The following PDS5B variants were observed in gnomAD, a reference collection of about 807,000 sequenced individuals.
PDS5B encodes sister chromatid cohesion protein PDS5 homolog B.
In PDS5B, 51 loss-of-function variants were observed where a neutral mutation model predicts 184.1. That is an observed-to-expected ratio of 0.28 (90% CI 0.22 to 0.35). The LOEUF is 0.35. Ranked by LOEUF, PDS5B falls within the 10% of genes least tolerant of loss-of-function variation. The pLI, the probability that PDS5B is intolerant of heterozygous loss-of-function variation, is 1.00. For synonymous variants in PDS5B, 566 were observed against 569.2 expected (o/e 0.99, Z 0.08); for missense variants, 1,180 against 1,723.3 (o/e 0.68, Z 5.58).
chr13:32,775,567 C>T lies in PDS5B; in HGVS notation c.*515C>T. 2.3e-6 allele frequency: 1 copy of T among 432,042 alleles called. No individual in the cohort carries two copies. Among genetic ancestry groups the T allele is most frequent in the East Asian group, 7.3e-5 (1 of 13,776 alleles). The allele number at this position is 432,042 out of a possible 1,614,324, so 26.8% of individuals were successfully genotyped here. A position where few individuals can be genotyped will look rare whatever the true frequency, so the allele number is the denominator to read the frequency against. ...TTGTTGGAGAGTTAAATGGTCTCTT[C>T]CCTTTGTGTATCTTACCTAGTGTTT... On this transcript the variant is annotated 3_prime_UTR_variant, in exon 35 of 35. Transcript: ENST00000315596.
At chr13:32,678,113 A>T (rs1407568835) in intron 9 of PDS5B, among the ~76,000 whole-genome samples, 1 of 152,216 alleles carries the variant, frequency 6.6e-6, no homozygotes, top group African/African-American at 2.4e-5. Context: ...CATCAGAATG[A>T]TACAATTAGC....
rs565865388 is a variant in PDS5B, at chr13:32,632,864, GAGGCTGAGGC to G, written c.-19-15885_-19-15876del. Reference sequence around the variant, plus strand: ...CACATCTGCAATCCCAGCACTTTGGGAGGCTGAGGCAGGCGGATCTTGAGGTCAGGAGATC... The same window carrying G: ...CACATCTGCAATCCCAGCACTTTGGGAGGCGGATCTTGAGGTCAGGAGATC... On this transcript the variant is annotated intron_variant, in intron 1 of 34. Coordinates refer to ENST00000315596, the MANE Select transcript of PDS5B (RefSeq NM_015032.4). Among the ~76,000 whole-genome samples the G allele has an allele frequency of 1.8e-3, 277 of 152,014 alleles. 3 individuals carry two copies. Among genetic ancestry groups the G allele is most frequent in the Non-Finnish European group, 2.2e-3 (150 of 67,962 alleles).
chr13:32,715,301 A>T (rs1265985494), intron 19 of PDS5B, among the ~76,000 whole-genome samples: 2 of 152,250 alleles, frequency 1.3e-5, no homozygotes, highest in Non-Finnish European at 2.9e-5. Flanking sequence ...TTAAGTATAC[A>T]GGACTCAGTA....
rs1208024258 is a variant in PDS5B, at chr13:32,716,458, C to T, written c.2123+6352C>T. On this transcript the variant is annotated intron_variant, in intron 19 of 34. Coordinates refer to ENST00000315596, the MANE Select transcript of PDS5B (RefSeq NM_015032.4). Reference sequence around the variant, plus strand: ...CCATCTGAGAAGTGAGGAGCCCCTCCGCCCGGCAGCCGCCCCGTCTGAGAA... The same window carrying T: ...CCATCTGAGAAGTGAGGAGCCCCTCTGCCCGGCAGCCGCCCCGTCTGAGAA... 7.7e-4 allele frequency among the ~76,000 whole-genome samples: 116 copies of T among 150,714 alleles called. 2 individuals are homozygous for T. In the South Asian group the frequency reaches 0.018, roughly 23 times the overall value.
chr13:32,586,531 G>C lies in PDS5B; in HGVS notation c.-82G>C, dbSNP rs1052003503. 6.6e-6 allele frequency: 1 copy of C among 152,398 alleles called. No homozygotes were observed. Among genetic ancestry groups the C allele is most frequent in the Non-Finnish European group, 1.5e-5 (1 of 68,288 alleles). The allele number at this position is 152,398 out of a possible 1,614,324, so 9.4% of individuals were successfully genotyped here. A position where few individuals can be genotyped will look rare whatever the true frequency, so the allele number is the denominator to read the frequency against. Reference sequence around the variant, plus strand: ...GGGGGGGGAGAAGGCGATTGGATGCGGCGGCGGCGGCGGATCCCGGAGAGC... The same window carrying C: ...GGGGGGGGAGAAGGCGATTGGATGCCGCGGCGGCGGCGGATCCCGGAGAGC... On this transcript the variant is annotated 5_prime_UTR_variant, in exon 1 of 35. Coordinates refer to ENST00000315596, the MANE Select transcript of PDS5B (RefSeq NM_015032.4).
chr13:32,748,410 T>C (rs1953839655), intron 24 of PDS5B, among the ~76,000 whole-genome samples: 1 of 152,094 alleles, frequency 6.6e-6, no homozygotes, highest in Non-Finnish European at 1.5e-5. Flanking sequence ...CTTATTTGGT[T>C]TCTGTCTCTT....
intron 1 of PDS5B, among the ~76,000 whole-genome samples, chr13:32,648,145 G>C (rs149855292): frequency 1.4e-4 from 22 of 152,322 alleles, no homozygotes; most frequent in African/African-American, 4.6e-4. Flanking sequence ...TTCCCTCTAG[G>C]GGGTGGGGCT....
intron 19 of PDS5B, among the ~76,000 whole-genome samples, chr13:32,710,514 G>A (rs1430853103): frequency 6.6e-6 from 1 of 152,198 alleles, no homozygotes; most frequent in Non-Finnish European, 1.5e-5. Flanking sequence ...CAGGGAAGTC[G>A]AGAAGCATGG....
chr13:32,622,239 T>G (rs7998956), intron 1 of PDS5B, among the ~76,000 whole-genome samples: 57,530 of 151,944 alleles, frequency 0.38, 11,305 homozygotes, highest in Non-Finnish European at 0.44. Flanking sequence ...TTTAAGGCTA[T>G]AAATTTCCCT....
chr13:32,757,615 T>G (rs4942897), intron 26 of PDS5B, among the ~76,000 whole-genome samples: 59,060 of 152,064 alleles, frequency 0.39, 11,993 homozygotes, highest in Non-Finnish European at 0.45. Context: ...ATTGTCAATC[T>G]TGACTTTTTC....
rs771186512 is a variant in PDS5B at position 32,759,608 on chromosome 13, T to A, written c.3310-20T>A. The A allele has an allele frequency of 4.9e-6, 7 of 1,428,230 alleles. No homozygotes were observed. The highest frequency in any genetic ancestry group is 3.8e-5 in the South Asian group (3 of 79,848). 88.5% of individuals were successfully genotyped at this position (1,428,230 alleles called of 1,614,324 possible). On this transcript the variant is annotated intron_variant, in intron 28 of 34. Transcript: ENST00000315596. ...AGTGTTTTAATATTCACTGACTACT[T>A]CTTTTTCTCTTGGTTGTAGAATTTC... is the stretch of plus-strand genomic sequence containing the variant.
At chr13:32,745,947 TA>T in intron 23 of PDS5B, 29 bp from the exon 24 acceptor site, 2 of 1,549,888 alleles carry the variant, frequency 1.3e-6, no homozygotes, top group Non-Finnish European at 1.8e-6. Flanking sequence ...TTTTAAATGC[TA>T]ATCTATATTC....
intron 6 of PDS5B, among the ~76,000 whole-genome samples, chr13:32,664,768 C>A (rs531881289): frequency 1.3e-5 from 2 of 151,992 alleles, no homozygotes; most frequent in East Asian, 3.9e-4. Flanking sequence ...GTGGGAGGAT[C>A]GCTTGCAGGG....
chr13:32,775,136 G>C lies in PDS5B; in HGVS notation c.*84G>C. Reference sequence around the variant, plus strand: ...TTGGTCAAGCTTGAGGCTGAATAAAGCCTTTGATGCACAAAATGGGACTGC... The same window carrying C: ...TTGGTCAAGCTTGAGGCTGAATAAACCCTTTGATGCACAAAATGGGACTGC... On this transcript the variant is annotated 3_prime_UTR_variant, in exon 35 of 35. Transcript: ENST00000315596. 1 of 1,116,888 alleles carries C rather than the reference G, an allele frequency of 9.0e-7. No homozygotes were observed. The highest frequency in any genetic ancestry group is 1.3e-5 in the South Asian group (1 of 74,234). The allele number at this position is 1,116,888 out of a possible 1,614,324, so 69.2% of individuals were successfully genotyped here. A position where few individuals can be genotyped will look rare whatever the true frequency, so the allele number is the denominator to read the frequency against.
chr13:32,682,918 A>G (rs1479276645), intron 10 of PDS5B, among the ~76,000 whole-genome samples: 3 of 151,866 alleles, frequency 2.0e-5, no homozygotes, highest in Non-Finnish European at 4.4e-5. Flanking sequence ...GTCCTGTGAC[A>G]TTTACTTGTT....
intron 1 of PDS5B, among the ~76,000 whole-genome samples, chr13:32,593,583 C>T (rs960055636): frequency 7.9e-5 from 12 of 152,264 alleles, no homozygotes; most frequent in South Asian, 4.1e-4. Flanking sequence ...TCAGGTGATC[C>T]GCCCGCCTTG....
chr13:32,710,630 C>T (rs991809150), intron 19 of PDS5B, among the ~76,000 whole-genome samples: 1 of 152,200 alleles, frequency 6.6e-6, no homozygotes, highest in Non-Finnish European at 1.5e-5. Context: ...ATTTTATAAT[C>T]AGAAGAATAA....
At chr13:32,644,191 T>G (rs565980804) in intron 1 of PDS5B, among the ~76,000 whole-genome samples, 1 of 152,330 alleles carries the variant, frequency 6.6e-6, no homozygotes, top group South Asian at 2.1e-4. Context: ...TGACTTATGC[T>G]TGTTATGGAT....
intron 8 of PDS5B, among the ~76,000 whole-genome samples, chr13:32,673,959 G>GT (rs1951002249): frequency 5.3e-3 from 1 of 190 alleles, no homozygotes; most frequent in South Asian, 0.5. Context: ...GGGACTACAG[G>GT]CTGTGCCACC....
Sources: gnomAD v4.1 joint callset for allele counts (sites outside exome capture counted in the v4.1 genomes callset) on GRCh38, gnomAD v4.1.1 for gene constraint, MANE v1.5 for transcripts, NCBI Gene and HGNC (gene_info 2026-07-23, HGNC 2026-07-21) for gene names.